SEL1L3: variants seen among roughly 807,000 people sequenced by gnomAD.
The protein encoded by SEL1L3 is protein sel-1 homolog 3.
A neutral mutation model predicts 142.8 loss-of-function variants in SEL1L3; 76 were observed. The observed-to-expected ratio is 0.53, with a 90% CI of 0.44 to 0.64. The LOEUF (loss-of-function observed/expected upper bound fraction) is 0.64, where lower values mean the gene tolerates loss of function less well. SEL1L3 is among the 30% of genes least tolerant of loss of function. The pLI is 0.00. For missense variants in SEL1L3, 1,262 were observed against 1,381.7 expected, an observed-to-expected ratio of 0.91 and a Z score of 1.37; for synonymous variants, 504 against 519.6, an observed-to-expected ratio of 0.97 and a Z score of 0.41.
intron 16 of SEL1L3, among the ~76,000 whole-genome samples, chr4:25,777,252 A>C (rs1490235471): frequency 3.3e-5 from 5 of 152,108 alleles, no homozygotes; most frequent in Non-Finnish European, 5.9e-5. Context: ...GATAAAGAAG[A>C]CATTGTAAAA....
At chr4:25,769,907 C>T (rs934850471) in intron 17 of SEL1L3, among the ~76,000 whole-genome samples, 1 of 152,080 alleles carries the variant, frequency 6.6e-6, no homozygotes, top group Non-Finnish European at 1.5e-5. Context: ...GCGGGAAGAT[C>T]GCTTGAGCTC....
chr4:25,793,657 A>T lies in SEL1L3; in HGVS notation c.1957-3083T>A, dbSNP rs1023625821. Among the ~76,000 whole-genome samples the T allele has an allele frequency of 3.9e-5, 6 of 152,156 alleles. No homozygotes were observed. In the South Asian group the frequency reaches 1.2e-3, roughly 31 times the overall value. ...ATGGAGGGGATCTGAATTTTAATTC[A>T]CCACTACTTACCTTAGGCCTTGGGC... On this transcript the variant is annotated intron_variant, in intron 11 of 23. Transcript: ENST00000399878.
intron 9 of SEL1L3, among the ~76,000 whole-genome samples, chr4:25,807,104 A>G (rs1009777777): frequency 2.0e-5 from 3 of 152,180 alleles, no homozygotes; most frequent in Non-Finnish European, 4.4e-5. Context: ...TCTTTTTTAA[A>G]TTAACTACAC....
At chr4:25,784,036 T>G (rs1711604053) in intron 14 of SEL1L3, among the ~76,000 whole-genome samples, 192 bp downstream of exon 14, 1 of 152,198 alleles carries the variant, frequency 6.6e-6, no homozygotes, top group African/African-American at 2.4e-5. Context: ...GTGGCAAGTT[T>G]CTGTATGTAT....
Position 25,802,943 on chromosome 4 carries a change from C to T in SEL1L3, c.1777-481G>A, listed in dbSNP as rs76115672. 2.8e-3 allele frequency among the ~76,000 whole-genome samples: 427 copies of T among 152,294 alleles called. 2 individuals carry two copies. The highest frequency in any genetic ancestry group is 9.8e-3 in the African/African-American group (409 of 41,570). On this transcript the variant is annotated intron_variant, in intron 10 of 23. Coordinates refer to ENST00000399878, the MANE Select transcript of SEL1L3 (RefSeq NM_015187.5). ...GGTTTACAAATTTCCAGCTAGCTGC[C>T]CTTCCTAATGTCAAATAGCTTAAAA...
At chr4:25,856,203 T>G (rs1717241658) in intron 1 of SEL1L3, among the ~76,000 whole-genome samples, 1 of 152,222 alleles carries the variant, frequency 6.6e-6, no homozygotes, top group South Asian at 2.1e-4. Context: ...TGAATTCCTG[T>G]TCATCTGGCA....
rs2437 is a variant in SEL1L3 at position 25,847,741 on chromosome 4, C to T, written c.286G>A (p.Val96Ile). 938 of 1,613,848 alleles carry T rather than the reference C, an allele frequency of 5.8e-4. 5 individuals carry two copies. In the African/African-American group the frequency reaches 9.7e-3, roughly 17 times the overall value. ...FTVFEGNVRN[V>I]SEVSVEYLCS... ...AAATACTCAACCGAGACTTCAGAAA[C>T]GTTGCGAACGTTTCCTTCAAAGACA... The change falls in exon 2 of 24, where the codon GTT becomes ATT. Residue 96 changes from valine to isoleucine, a missense_variant. Val to Ile is a conservative substitution (Grantham distance 29). Transcript: ENST00000399878.
chr4:25,745,422 G>C (rs1337000477), downstream of SEL1L3, among the ~76,000 whole-genome samples: 1 of 151,822 alleles, frequency 6.6e-6, no homozygotes, highest in African/African-American at 2.4e-5. Context: ...AGTGAGGAAG[G>C]CAGAATTGAG....
intron 9 of SEL1L3, among the ~76,000 whole-genome samples, chr4:25,815,423 C>T (rs1714328239): frequency 6.6e-6 from 1 of 152,140 alleles, no homozygotes; most frequent in Non-Finnish European, 1.5e-5. Flanking sequence ...GATTTCATTG[C>T]CAGGCCTCCA....
intron 16 of SEL1L3, 188 bp from the exon 17 acceptor site, chr4:25,776,548 T>A: frequency 1.8e-6 from 1 of 556,682 alleles, no homozygotes; most frequent in East Asian, 3.0e-5. Context: ...TTTAGTGCCC[T>A]TTCTTATGAA....
At chr4:25,844,522 G>A (rs1172111790) in intron 2 of SEL1L3, among the ~76,000 whole-genome samples, 1 of 152,158 alleles carries the variant, frequency 6.6e-6, no homozygotes, top group Non-Finnish European at 1.5e-5. Flanking sequence ...CCTAAGCCTT[G>A]TGAATATGAG....
chr4:25,858,836 G>A (rs189317423), intron 1 of SEL1L3, among the ~76,000 whole-genome samples: 78 of 152,166 alleles, frequency 5.1e-4, no homozygotes, highest in Middle Eastern at 3.4e-3. Context: ...CGCCTGCTTC[G>A]GCCTCCCAAA....
chr4:25,808,158 T>C (rs1263471386), intron 9 of SEL1L3, among the ~76,000 whole-genome samples: 1 of 152,222 alleles, frequency 6.6e-6, no homozygotes, highest in East Asian at 1.9e-4. Flanking sequence ...TGGCTTAGCA[T>C]ATGCATTTTT....
the SEL1L3 span, among the ~76,000 whole-genome samples, chr4:25,739,449 G>A: frequency 2.6e-5 from 4 of 152,252 alleles, no homozygotes; most frequent in African/African-American, 9.6e-5. Context: ...GCTCACGCCT[G>A]TAATCCCAGC....
chr4:25,714,536 CTTTCT>C, the SEL1L3 span, among the ~76,000 whole-genome samples: 1 of 98,730 alleles, frequency 1.0e-5, no homozygotes, highest in African/African-American at 3.2e-5. Context: ...TTCTTTCTTT[CTTTCT>C]TTCTTTCTTT....
At position 25,824,545 on chromosome 4, in the gene SEL1L3, T is replaced by C. The variant is rs549658459; in HGVS notation, c.1158-2417A>G. ...ACACCATAACCATCAGCAACAGTGA[T>C]TATCATCCTTAACCTAGCCCTCTGT... On this transcript the variant is annotated intron_variant, in intron 6 of 23. Coordinates refer to ENST00000399878, the MANE Select transcript of SEL1L3 (RefSeq NM_015187.5). Among the ~76,000 whole-genome samples the C allele has an allele frequency of 2.0e-5, 3 of 152,324 alleles. No homozygotes were observed. The South Asian group carries it at 6.2e-4, about 32-fold the overall frequency.
At chr4:25,795,403 T>C (rs1260305766) in intron 11 of SEL1L3, among the ~76,000 whole-genome samples, 1 of 152,108 alleles carries the variant, frequency 6.6e-6, no homozygotes, top group Non-Finnish European at 1.5e-5. Context: ...AGCCTTAGGT[T>C]GTGGGGATGA....
chr4:25,850,041 G>T (rs899572828), intron 1 of SEL1L3, among the ~76,000 whole-genome samples: 4 of 152,192 alleles, frequency 2.6e-5, no homozygotes, highest in African/African-American at 9.6e-5. Flanking sequence ...CACTGCAAGG[G>T]GTGTGAACAG....
chr4:25,729,613 C>G, the SEL1L3 span, among the ~76,000 whole-genome samples: 2 of 152,188 alleles, frequency 1.3e-5, no homozygotes, highest in Non-Finnish European at 2.9e-5. Flanking sequence ...ACCCGGGAGG[C>G]TGAGGCAGGA....
Sources: gnomAD v4.1 joint callset for allele counts (sites outside exome capture counted in the v4.1 genomes callset) on GRCh38, gnomAD v4.1.1 for gene constraint, MANE v1.5 for transcripts, NCBI Gene and HGNC (gene_info 2026-07-23, HGNC 2026-07-21) for gene names.